Variants in SLIT2 observed in about 807,000 individuals in gnomAD.
SLIT2 encodes slit homolog 2 protein.
SLIT2 carries 41 observed loss-of-function variants against 185.7 expected under a neutral mutation model. The ratio of observed to expected loss-of-function variants is 0.22; its 90% CI spans 0.17 to 0.29. SLIT2 has a LOEUF of 0.29. Ranked by LOEUF, SLIT2 falls within the 10% of genes least tolerant of loss-of-function variation. The probability of loss-of-function intolerance (pLI) is 1.00; values close to 1 mark genes in which losing one functional copy is unlikely to be tolerated. For synonymous variants in SLIT2, 693 were observed against 680.2 expected (o/e 1.02, Z -0.29); for missense variants, 1,571 against 1,909.0 (o/e 0.82, Z 3.30).
intron 5 of SLIT2, among the ~76,000 whole-genome samples, chr4:20,474,387 C>T (rs1252856283): frequency 6.6e-6 from 1 of 152,070 alleles, no homozygotes; most frequent in Non-Finnish European, 1.5e-5. Context: ...TCCCCAACAA[C>T]TATGACAAAG....
chr4:20,260,283 A>G (rs866574786), intron 3 of SLIT2, among the ~76,000 whole-genome samples: 1 of 151,770 alleles, frequency 6.6e-6, no homozygotes, highest in Non-Finnish European at 1.5e-5. Flanking sequence ...GACAAGAAGA[A>G]ATCAATAAAT....
chr4:20,594,739 T>A (rs1727839106), intron 30 of SLIT2, among the ~76,000 whole-genome samples: 2 of 152,186 alleles, frequency 1.3e-5, no homozygotes, highest in Non-Finnish European at 2.9e-5. Flanking sequence ...TGGAATTAAT[T>A]ATTCAACAGC....
intron 4 of SLIT2, among the ~76,000 whole-genome samples, chr4:20,434,452 C>T (rs1213579117): frequency 6.6e-6 from 1 of 151,914 alleles, no homozygotes; most frequent in Non-Finnish European, 1.5e-5. Flanking sequence ...CACCACTGCA[C>T]CTCCAGCTTG....
chr4:20,382,368 A>G (rs1172585198), intron 4 of SLIT2, among the ~76,000 whole-genome samples: 4 of 152,298 alleles, frequency 2.6e-5, no homozygotes, highest in Non-Finnish European at 4.4e-5. Flanking sequence ...TAAATAACTA[A>G]TACAGCTTGA....
chr4:20,275,730 C>T (rs1446221903), intron 4 of SLIT2, among the ~76,000 whole-genome samples: 2 of 152,098 alleles, frequency 1.3e-5, no homozygotes, highest in South Asian at 4.1e-4. Flanking sequence ...TCTCTTCATG[C>T]TCTCCCAGTT....
intron 4 of SLIT2, among the ~76,000 whole-genome samples, chr4:20,365,476 A>T (rs765036194): frequency 6.6e-6 from 1 of 152,114 alleles, no homozygotes; most frequent in Non-Finnish European, 1.5e-5. Flanking sequence ...GGCAAGCAAA[A>T]AAGAGATGTG....
intron 4 of SLIT2, among the ~76,000 whole-genome samples, chr4:20,407,474 A>T (rs1355967928): frequency 6.6e-6 from 1 of 152,176 alleles, no homozygotes; most frequent in Non-Finnish European, 1.5e-5. Flanking sequence ...TCCTTGACTT[A>T]CCAAATGATA....
intron 4 of SLIT2, among the ~76,000 whole-genome samples, chr4:20,292,499 A>C (rs548481683): frequency 6.6e-6 from 1 of 152,320 alleles, no homozygotes; most frequent in African/African-American, 2.4e-5. Flanking sequence ...CAAAAGAAGA[A>C]GAAGGAGAAG....
chr4:20,334,211 A>G (rs1465281053), intron 4 of SLIT2, among the ~76,000 whole-genome samples: 5 of 152,146 alleles, frequency 3.3e-5, no homozygotes, highest in Non-Finnish European at 5.9e-5. Context: ...GGAGGCCACA[A>G]TCGTGGTAAT....
Position 20,596,588 on chromosome 4 carries a change from T to C in SLIT2, c.3494T>C (p.Ile1165Thr), listed in dbSNP as rs1577995684. ...GAAAAATTGGTTAGTGTGAATTTTA[T>C]AAACAAAGAGTCTTATCTTCAGATT... ...KCEKLVSVNFINKESYLQIPS... is the reference protein window; with the variant it reads ...KCEKLVSVNFTNKESYLQIPS... Residue 1165 changes from isoleucine (I) to threonine (T), a missense_variant, in exon 32 of 37, where the codon ATA (isoleucine) becomes ACA (threonine). This residue lies in a region of SLIT2 where 146 missense variants were observed against 247.4 expected (regional missense o/e 0.59). Transcript: ENST00000504154. 3 of 1,613,868 alleles carry C rather than the reference T, an allele frequency of 1.9e-6. No individual in the cohort carries two copies. The Admixed American group carries it at 5.0e-5, about 27-fold the overall frequency.
In SLIT2 at chr4:20,251,956, C is replaced by CGGT. The variant is rs1353550892; in HGVS notation, c.-1851_-1849dup. Among the ~76,000 whole-genome samples the CGGT allele has an allele frequency of 1.3e-5, 2 of 152,030 alleles. No homozygotes were observed. The highest frequency in any genetic ancestry group is 2.9e-5 in the Non-Finnish European group (2 of 67,978). On this transcript the variant is annotated 5_prime_UTR_variant, in exon 1 of 37. Transcript: ENST00000504154. ...CCCGGACGGCGGAGCTTGGCGGCGG[C>CGGT]GGTGGTGGTGGCTGCCGCAGACTGT...
intron 4 of SLIT2, among the ~76,000 whole-genome samples, chr4:20,365,564 C>T (rs1723054778): frequency 6.6e-6 from 1 of 151,904 alleles, no homozygotes; most frequent in African/African-American, 2.4e-5. Context: ...TTCTTTTTTT[C>T]AGGAAATTAC....
chr4:20,402,441 C>T (rs1009163632), intron 4 of SLIT2, among the ~76,000 whole-genome samples: 2 of 151,740 alleles, frequency 1.3e-5, no homozygotes, highest in African/African-American at 4.8e-5. Flanking sequence ...TTTAAAAAAC[C>T]AGCTCTTGAA....
intron 12 of SLIT2, among the ~76,000 whole-genome samples, chr4:20,522,819 A>G (rs940589281): frequency 2.0e-5 from 3 of 152,142 alleles, no homozygotes; most frequent in Non-Finnish European, 4.4e-5. Flanking sequence ...ACTGATATTT[A>G]TTGAGCTCCC....
chr4:20,560,168 A>G (rs1469456372), intron 26 of SLIT2, among the ~76,000 whole-genome samples: 57 of 152,104 alleles, frequency 3.7e-4, no homozygotes, highest in Non-Finnish European at 5.9e-5. Flanking sequence ...CATGAAAATT[A>G]TGTAAGTACA....
chr4:20,565,300 C>T (rs1326682330), intron 26 of SLIT2, among the ~76,000 whole-genome samples: 2 of 151,964 alleles, frequency 1.3e-5, no homozygotes, highest in East Asian at 1.9e-4. Flanking sequence ...TGCTGTTTTG[C>T]TGGCATACGT....
intron 19 of SLIT2, among the ~76,000 whole-genome samples, chr4:20,540,302 A>C (rs1378695473): frequency 6.6e-6 from 1 of 152,046 alleles, no homozygotes; most frequent in Non-Finnish European, 1.5e-5. Context: ...AAAAAAAAAA[A>C]AAGAATCATT....
At chr4:20,482,265 A>C (rs2148780959) in intron 6 of SLIT2, among the ~76,000 whole-genome samples, 1 of 152,108 alleles carries the variant, frequency 6.6e-6, no homozygotes, top group Admixed American at 6.5e-5. Context: ...ATTTTATGCA[A>C]AGTTTGCTAT....
intron 16 of SLIT2, among the ~76,000 whole-genome samples, chr4:20,531,637 A>G (rs141275550): frequency 6.6e-6 from 1 of 152,136 alleles, no homozygotes; most frequent in African/African-American, 2.4e-5. Context: ...TTTTGTTCCA[A>G]TTGTGAAGCA....
Sources: allele counts gnomAD v4.1 joint callset (sites outside exome capture counted in the v4.1 genomes callset), GRCh38; gene constraint gnomAD v4.1.1; regional missense constraint gnomAD v4.1.1; transcripts MANE v1.5; gene names NCBI Gene and HGNC (gene_info 2026-07-23, HGNC 2026-07-21).